The following MASP1 variants were observed in gnomAD, a reference collection of about 807,000 sequenced individuals.
The protein encoded by MASP1 is mannan-binding lectin serine protease 1.
MASP1 carries 59 observed loss-of-function variants against 77.1 expected under a neutral mutation model. The observed-to-expected ratio is 0.77, with a 90% CI of 0.62 to 0.95. The LOEUF is 0.95. MASP1 is among the 40% of genes least tolerant of loss of function. The pLI, the probability that MASP1 is intolerant of heterozygous loss-of-function variation, is 0.00. For synonymous variants in MASP1, 362 were observed against 354.5 expected, an observed-to-expected ratio of 1.02 and a Z score of -0.24; for missense variants, 885 against 912.9, an observed-to-expected ratio of 0.97 and a Z score of 0.39.
At chr3:187,278,333 C>A (rs1235075092) in intron 2 of MASP1, among the ~76,000 whole-genome samples, 1 of 152,214 alleles carries the variant, frequency 6.6e-6, no homozygotes. Context: ...AATCCTCCCA[C>A]AACCTGTGAG....
chr3:187,239,212 G>A (rs957148115), intron 10 of MASP1, among the ~76,000 whole-genome samples: 11 of 151,246 alleles, frequency 7.3e-5, no homozygotes, highest in African/African-American at 2.4e-4. Context: ...AAAAAGTCAG[G>A]CATGGTGGTG....
chr3:187,235,472 G>A lies in MASP1; in HGVS notation c.*212C>T. 2 of 1,521,128 alleles carry A rather than the reference G, an allele frequency of 1.3e-6. No individual in the cohort carries two copies. Among genetic ancestry groups the A allele is most frequent in the Non-Finnish European group, 1.8e-6 (2 of 1,138,872 alleles). 94.2% of individuals were successfully genotyped at this position (1,521,128 alleles called of 1,614,324 possible). ...GAGGCCCAGACAGGGAAAGAGACTT[G>A]GACAAGCTCAGGAACACAGGTCTCC... On this transcript the variant is annotated 3_prime_UTR_variant, in exon 11 of 11. Transcript: ENST00000296280.
chr3:187,220,474 C>CTTTTCT, intron 15 of MASP1, among the ~76,000 whole-genome samples: 1 of 149,336 alleles, frequency 6.7e-6, no homozygotes, highest in South Asian at 2.2e-4. Flanking sequence ...TCTTTCTTTT[C>CTTTTCT]TTTTCTTTTT....
intron 2 of MASP1, among the ~76,000 whole-genome samples, chr3:187,268,352 C>T (rs750492539): frequency 1.3e-5 from 2 of 151,656 alleles, no homozygotes; most frequent in Admixed American, 6.6e-5. Context: ...TGTGGTGGTG[C>T]GGCATGTGCC....
intron 2 of MASP1, among the ~76,000 whole-genome samples, chr3:187,271,085 T>C (rs1422615154): frequency 6.6e-6 from 1 of 152,238 alleles, no homozygotes; most frequent in East Asian, 1.9e-4. Context: ...AGGCTCACGT[T>C]TGTAAATTGA....
rs72549277 is a variant in MASP1, at chr3:187,288,953, G to A, written c.5+2675C>T. ...ACAAATATCTCCCTTCATGTAATGG[G>A]CTTGAGCATATGCTTGCCTGCTTGC... On this transcript the variant is annotated intron_variant, in intron 1 of 10. Transcript: ENST00000296280. 8.8e-3 allele frequency among the ~76,000 whole-genome samples: 1,347 copies of A among 152,220 alleles called. 18 individuals carry two copies. Among genetic ancestry groups the A allele is most frequent in the African/African-American group, 0.031 (1,278 of 41,518 alleles).
chr3:187,220,093 C>T, exon 16 of MASP1: 1 of 1,613,890 alleles, frequency 6.2e-7, no homozygotes, highest in African/African-American at 1.3e-5. Context: ...TCCGGTGACC[C>T]TCTGGATCCA....
At chr3:187,244,788 AG>A (rs1713947718) in intron 8 of MASP1, 1 of 152,262 alleles carries the variant, frequency 6.6e-6, no homozygotes, top group Non-Finnish European at 1.5e-5. Context: ...ATCAACTGTC[AG>A]AATTTCCAGA....
At chr3:187,288,133 T>A (rs1331294867) in intron 1 of MASP1, among the ~76,000 whole-genome samples, 1 of 152,054 alleles carries the variant, frequency 6.6e-6, no homozygotes, top group Admixed American at 6.6e-5. Context: ...TTTTTCAAGG[T>A]CCCTACAATA....
In MASP1 at chr3:187,250,329, C is replaced by A. The variant is rs1437376701; in HGVS notation, c.1012G>T (p.Asp338Tyr). ...SCDTGYKVLKDNVEMDTFQIE... is the reference protein window; with the variant it reads ...SCDTGYKVLKYNVEMDTFQIE... The stretch of plus-strand genomic sequence containing the variant: ...TGGAATGTGTCCATCTCCACATTAT[C>A]CTGGGAAGAGACAGGAAGAAGGGAG... Residue 338 changes from aspartate (D) to tyrosine (Y), a missense_variant and splice_region_variant, in exon 8 of 11, where the codon GAT becomes TAT. Transcript: ENST00000296280. The A allele has an allele frequency of 6.2e-7, 1 of 1,611,486 alleles. No homozygotes were observed.
chr3:187,265,726 T>C (rs1351854340), intron 2 of MASP1, among the ~76,000 whole-genome samples: 2 of 152,176 alleles, frequency 1.3e-5, no homozygotes, highest in South Asian at 2.1e-4. Flanking sequence ...TTTTCTGATA[T>C]CAGTTTTGCT....
At chr3:187,264,118 C>T (rs1250480612) in intron 2 of MASP1, among the ~76,000 whole-genome samples, 2 of 152,172 alleles carry the variant, frequency 1.3e-5, no homozygotes, top group Admixed American at 1.3e-4. Flanking sequence ...TCAGAAATAT[C>T]TTGACATTTG....
chr3:187,237,336 A>C (rs527957961), intron 10 of MASP1, among the ~76,000 whole-genome samples: 22 of 132,304 alleles, frequency 1.7e-4, no homozygotes, highest in African/African-American at 5.4e-4. Flanking sequence ...GCAGAAGCTT[A>C]ACTAGATTCT....
intron 2 of MASP1, 30 bp from the exon 3 acceptor site, chr3:187,262,750 T>C (rs770147766): frequency 3.7e-6 from 6 of 1,606,714 alleles, no homozygotes; most frequent in Non-Finnish European, 5.1e-6. Context: ...GGGAACAAGA[T>C]GAGCAGTTTC....
At chr3:187,242,970 G>C (rs907605530) in intron 9 of MASP1, 4 of 199,600 alleles carry the variant, frequency 2.0e-5, no homozygotes, top group Admixed American at 1.1e-4. Flanking sequence ...CCGTACCAGG[G>C]GAAGAGGTCT....
chr3:187,237,137 C>T (rs2108515395), intron 10 of MASP1, among the ~76,000 whole-genome samples: 1 of 152,290 alleles, frequency 6.6e-6, no homozygotes, highest in South Asian at 2.1e-4. Flanking sequence ...CAGCAAATAT[C>T]CCTCTCTGGA....
chr3:187,249,435 A>G (rs973527534), intron 8 of MASP1, among the ~76,000 whole-genome samples: 41 of 152,238 alleles, frequency 2.7e-4, no homozygotes, highest in African/African-American at 8.9e-4. Context: ...TATTTCTGTC[A>G]CTGTGCCTCC....
downstream of MASP1, among the ~76,000 whole-genome samples, chr3:187,230,422 A>G (rs1712698824): frequency 6.6e-6 from 1 of 152,236 alleles, no homozygotes; most frequent in African/African-American, 2.4e-5. Context: ...ATCTAATTAT[A>G]TGTGAAGCCT....
intron 2 of MASP1, 107 bp from the exon 3 acceptor site, chr3:187,262,827 A>T (rs1353857537): frequency 1.0e-6 from 1 of 960,190 alleles, no homozygotes; most frequent in Non-Finnish European, 1.6e-6. Context: ...TAGGCTAGTC[A>T]GCCTGAGAAA....
Sources: gnomAD v4.1 joint callset for allele counts (sites outside exome capture counted in the v4.1 genomes callset) on GRCh38, gnomAD v4.1.1 for gene constraint, MANE v1.5 for transcripts, NCBI Gene and HGNC (gene_info 2026-07-23, HGNC 2026-07-21) for gene names.